TM9SF1: variants seen among roughly 807,000 people sequenced by gnomAD.
The protein encoded by TM9SF1 is MP70 protein family member.
In TM9SF1, 25 loss-of-function variants were observed where a neutral mutation model predicts 52.4. The observed-to-expected ratio is 0.48, with a 90% confidence interval of 0.35 to 0.67. The LOEUF (loss-of-function observed/expected upper bound fraction) is 0.67. Among genes scored for constraint, TM9SF1 ranks in the 30% least tolerant of loss-of-function variants. TM9SF1 has a pLI of 0.01. For missense variants in TM9SF1, 604 were observed against 780.3 expected, an observed-to-expected ratio of 0.77 and a Z score of 2.69; for synonymous variants, 284 against 299.8, an observed-to-expected ratio of 0.95 and a Z score of 0.55.
chr14:24,190,427 G>A lies in TM9SF1; in HGVS notation c.1380C>T (p.Tyr460=). The part of the protein sequence containing the change: ...IAREIPPQPW[Y]KSTVIHMTVG... Reference sequence around the variant, plus strand: ...CAGTCATGTGGATGACAGTAGACTTGTACCAGGGCTGGGGTGGAATCTCCC... The same window carrying A: ...CAGTCATGTGGATGACAGTAGACTTATACCAGGGCTGGGGTGGAATCTCCC... The change falls in exon 5 of 6, where the codon TAC becomes TAT. Residue 460 remains tyrosine, a synonymous_variant. Coordinates refer to ENST00000261789, the MANE Select transcript of TM9SF1 (RefSeq NM_006405.7). 7 of 1,611,326 alleles carry A rather than the reference G, an allele frequency of 4.3e-6. No individual in the cohort carries two copies. Among genetic ancestry groups the A allele is most frequent in the Non-Finnish European group, 5.9e-6 (7 of 1,178,246 alleles).
chr14:24,192,505 T>C lies in TM9SF1; in HGVS notation c.967+143A>G. On this transcript the variant is annotated intron_variant, in intron 3 of 5. Coordinates refer to ENST00000261789, the MANE Select transcript of TM9SF1 (RefSeq NM_006405.7). The surrounding 1 kb of genome is among the most constrained non-coding windows in gnomAD (Gnocchi z 4.0). Reference sequence around the variant, plus strand: ...GCTATCCAGAAAATCTACAATAGAATACGTGCATTCTTGCTAGAGCCACCC... The same window carrying C: ...GCTATCCAGAAAATCTACAATAGAACACGTGCATTCTTGCTAGAGCCACCC... The C allele has an allele frequency of 7.3e-7, 1 of 1,364,774 alleles. No homozygotes were observed. Among genetic ancestry groups the C allele is most frequent in the Non-Finnish European group, 1.0e-6 (1 of 1,000,384 alleles). The allele number at this position is 1,364,774 out of a possible 1,614,324, so 84.5% of individuals were successfully genotyped here.
At position 24,192,151 on chromosome 14, in the gene TM9SF1, A is replaced by T; in HGVS notation, c.1153+20T>A. ...ATTCCTAAGTCCAGAAAGGCCCACC[A>T]GGGAAAGGAAAGTCCTCACCAGAGA... On this transcript the variant is annotated intron_variant, in intron 4 of 5. Coordinates refer to ENST00000261789, the MANE Select transcript of TM9SF1 (RefSeq NM_006405.7). The surrounding 1 kb of genome is among the most constrained non-coding windows in gnomAD (Gnocchi z 4.0). 1 of 1,612,800 alleles carries T rather than the reference A, an allele frequency of 6.2e-7. No individual in the cohort carries two copies.
At chr14:24,194,621 ACT>A in intron 2 of TM9SF1, 52 bp downstream of exon 2, 3 of 1,483,228 alleles carry the variant, frequency 2.0e-6, no homozygotes, top group Non-Finnish European at 2.8e-6. Flanking sequence ...AATGTAAGGC[ACT>A]GTTAGTCTCT....
intron 4 of TM9SF1, among the ~76,000 whole-genome samples, chr14:24,191,161 G>A (rs540481502): frequency 9.9e-5 from 15 of 152,170 alleles, no homozygotes; most frequent in East Asian, 1.9e-4. Context: ...CACCACACCC[G>A]GACTCTTTGC....
chr14:24,193,352 C>A, intron 2 of TM9SF1, 83 bp from the exon 3 acceptor site: 1 of 1,443,732 alleles, frequency 6.9e-7, no homozygotes, highest in South Asian at 1.4e-5. Context: ...TTCAGCACTA[C>A]TGATATTTTG....
Position 24,194,560 on chromosome 14 carries a change from T to C in TM9SF1, c.345+115A>G, listed in dbSNP as rs774221222. 98 of 995,326 alleles carry C rather than the reference T, an allele frequency of 9.8e-5. 1 individual carries two copies. The highest frequency in any genetic ancestry group is 1.4e-4 in the Non-Finnish European group (89 of 654,586). The allele number at this position is 995,326 out of a possible 1,614,324, so 61.7% of individuals were successfully genotyped here. A position where few individuals can be genotyped will look rare whatever the true frequency, so the allele number is the denominator to read the frequency against. On this transcript the variant is annotated intron_variant, in intron 2 of 5. Coordinates refer to ENST00000261789, the MANE Select transcript of TM9SF1 (RefSeq NM_006405.7). The stretch of plus-strand genomic sequence containing the variant: ...AACCTGCCTGCCACACTGGGTTGTA[T>C]TGTAGTTAGAATCAAATCAGACAAT...
At chr14:24,193,642 C>G (rs1406137522) in intron 2 of TM9SF1, among the ~76,000 whole-genome samples, 1 of 145,710 alleles carries the variant, frequency 6.9e-6, no homozygotes, top group East Asian at 2.5e-4. Context: ...TGGGATTGGT[C>G]GGGTGCGGAG....
chr14:24,192,982 A>C lies in TM9SF1; in HGVS notation c.633T>G (p.Thr211=). 2 of 1,614,130 alleles carry C rather than the reference A, an allele frequency of 1.2e-6. No homozygotes were observed. Among genetic ancestry groups the C allele is most frequent in the Non-Finnish European group, 1.7e-6 (2 of 1,179,976 alleles). Residue 211 remains threonine, a synonymous_variant, in exon 3 of 6, where the codon ACT becomes ACG. Transcript: ENST00000261789. This position sits in a 1 kb window ranked among gnomAD's most constrained non-coding sequence, Gnocchi z 4.0. ...THTYSVRWSE[T]SVERRSDRRR... is the part of the protein sequence containing the mutation. The stretch of plus-strand genomic sequence containing the variant: ...GCCTGTCACTCCGACGCTCCACTGA[A>C]GTCTCAGACCAGCGCACGCTATAAG...
rs2234108 is a variant in TM9SF1, at chr14:24,192,349, A to G, written c.975T>C (p.Ile325=). Residue 325 remains isoleucine (I), a synonymous_variant, in exon 4 of 6, where the codon ATT becomes ATC. Coordinates refer to ENST00000261789, the MANE Select transcript of TM9SF1 (RefSeq NM_006405.7). The surrounding 1 kb of genome is among the most constrained non-coding windows in gnomAD (Gnocchi z 4.0). ...AQFLALGTGI[I]VMALLGMFNV... ...TGAACATGCCCAGCAGTGCCATGAC[A>G]ATAATGCCTGCAGGACGGTAGCGGA... 2.7e-5 allele frequency: 43 copies of G among 1,613,524 alleles called. No homozygotes were observed. The African/African-American group carries it at 4.7e-4, about 18-fold the overall frequency.
intron 5 of TM9SF1, 87 bp from the exon 6 acceptor site, chr14:24,189,895 C>G: frequency 2.0e-6 from 3 of 1,486,946 alleles, no homozygotes; most frequent in Non-Finnish European, 2.7e-6. Context: ...CCCACCCTCT[C>G]CCATGTTGCT....
Position 24,190,493 on chromosome 14 carries a change from G to C in TM9SF1, c.1314C>G (p.Ala438=). The change falls in exon 5 of 6, where the codon GCC becomes GCG. Residue 438 remains alanine, a synonymous_variant. Coordinates refer to ENST00000261789, the MANE Select transcript of TM9SF1 (RefSeq NM_006405.7). Reference sequence around the variant, plus strand: ...TGCGACAGGGTGCATCAAAGGGGCTGGCGTTGTTCTTCCCAAAGATGCCTC... The same window carrying C: ...TGCGACAGGGTGCATCAAAGGGGCTCGCGTTGTTCTTCCCAAAGATGCCTC... ...VIGGIFGKNN[A]SPFDAPCRTK... The C allele has an allele frequency of 6.2e-7, 1 of 1,614,192 alleles. No homozygotes were observed. The highest frequency in any genetic ancestry group is 2.2e-5 in the East Asian group (1 of 44,894).
At position 24,192,474 on chromosome 14, in the gene TM9SF1, A is replaced by C. The variant is rs1566649081; in HGVS notation, c.968-118T>G. On this transcript the variant is annotated intron_variant, in intron 3 of 5. Coordinates refer to ENST00000261789, the MANE Select transcript of TM9SF1 (RefSeq NM_006405.7). This position sits in a 1 kb window ranked among gnomAD's most constrained non-coding sequence, Gnocchi z 4.0. The stretch of plus-strand genomic sequence containing the variant: ...GGCCTCCAGCAAAACAATCTCCCCC[A>C]GTTTTGCTATCCAGAAAATCTACAA... 4.3e-6 allele frequency: 6 copies of C among 1,384,478 alleles called. No individual in the cohort carries two copies. The highest frequency in any genetic ancestry group is 2.9e-6 in the Non-Finnish European group (3 of 1,018,636). 85.8% of individuals were successfully genotyped at this position (1,384,478 alleles called of 1,614,324 possible).
intron 4 of TM9SF1, 101 bp from the exon 5 acceptor site, chr14:24,190,754 C>G: frequency 1.9e-6 from 2 of 1,076,494 alleles, no homozygotes; most frequent in East Asian, 2.6e-5. Context: ...GCTGAAGCAG[C>G]CTGCCACTCT....
At position 24,190,645 on chromosome 14, in the gene TM9SF1, A is replaced by G. The variant is rs2039306218; in HGVS notation, c.1162T>C (p.Phe388Leu). The change falls in exon 5 of 6, where the codon TTC (phenylalanine) becomes CTC (leucine). Residue 388 changes from phenylalanine (F) to leucine (L), a missense_variant. Coordinates refer to ENST00000261789, the MANE Select transcript of TM9SF1 (RefSeq NM_006405.7). ...GAGTTCACCACACTCCACGTCAGGA[A>G]GAAAGGCACTGCAGGGATGGGCCCC... The part of the protein sequence containing the change: ...LTTSLFSVPF[F>L]LTWSVVNSVH... 6.2e-7 allele frequency: 1 copy of G among 1,611,098 alleles called. No individual in the cohort carries two copies. Among genetic ancestry groups the G allele is most frequent in the Non-Finnish European group, 8.5e-7 (1 of 1,177,910 alleles).
At chr14:24,190,054 T>C in intron 5 of TM9SF1, 1 of 1,359,716 alleles carries the variant, frequency 7.4e-7, no homozygotes, top group Non-Finnish European at 9.4e-7. Context: ...TTATTCCACT[T>C]TATTCTTTGC....
At chr14:24,194,585 T>A in intron 2 of TM9SF1, 90 bp downstream of exon 2, 2 of 1,259,270 alleles carry the variant, frequency 1.6e-6, no homozygotes, top group Non-Finnish European at 2.2e-6. Context: ...AATCAGACAA[T>A]TTCCATAAAG....
At chr14:24,195,176 C>T in intron 1 of TM9SF1, 140 bp from the exon 2 acceptor site, 1 of 619,664 alleles carries the variant, frequency 1.6e-6, no homozygotes, top group East Asian at 2.7e-5. Context: ...GTCTCTCTAT[C>T]CCAAAGACCC....
Position 24,192,640 on chromosome 14 carries a change from C to T in TM9SF1, c.967+8G>A. On this transcript the variant is annotated splice_region_variant and intron_variant, in intron 3 of 5. Coordinates refer to ENST00000261789, the MANE Select transcript of TM9SF1 (RefSeq NM_006405.7). The surrounding 1 kb of genome is among the most constrained non-coding windows in gnomAD (Gnocchi z 4.0). Reference sequence around the variant, plus strand: ...AGATAAATCCCCAATTCATTTTTATCACCTCACCAGTGCCAAGGGCCAGGA... The same window carrying T: ...AGATAAATCCCCAATTCATTTTTATTACCTCACCAGTGCCAAGGGCCAGGA... 1 of 1,543,222 alleles carries T rather than the reference C, an allele frequency of 6.5e-7. No homozygotes were observed. Among genetic ancestry groups the T allele is most frequent in the Non-Finnish European group, 8.7e-7 (1 of 1,146,926 alleles).
chr14:24,193,838 T>G (rs1026505686), intron 2 of TM9SF1, among the ~76,000 whole-genome samples: 33 of 150,886 alleles, frequency 2.2e-4, no homozygotes, highest in Non-Finnish European at 4.1e-4. Flanking sequence ...GAGAATGGCG[T>G]GAACCCGGGA....
Sources: gnomAD v4.1 joint callset for allele counts (sites outside exome capture counted in the v4.1 genomes callset) on GRCh38, gnomAD v4.1.1 for gene constraint, Gnocchi (gnomAD v3.1) non-coding constraint, MANE v1.5 for transcripts, NCBI Gene and HGNC (gene_info 2026-07-23, HGNC 2026-07-21) for gene names.